The following RIMBP2 variants were observed in gnomAD, a reference collection of about 807,000 sequenced individuals.
The protein encoded by RIMBP2 is RIMS-binding protein 2.
RIMBP2 carries 48 observed loss-of-function variants against 118.6 expected under a neutral mutation model. The ratio of observed to expected loss-of-function variants is 0.40; its 90% CI spans 0.32 to 0.51. RIMBP2 has a LOEUF of 0.51. Ranked by LOEUF, RIMBP2 falls within the 20% of genes least tolerant of loss-of-function variation. The pLI, the probability that RIMBP2 is intolerant of heterozygous loss-of-function variation, is 0.41. For missense variants in RIMBP2, 1,551 were observed against 1,768.3 expected (o/e 0.88, Z 2.20); for synonymous variants, 762 against 742.9 (o/e 1.03, Z -0.42).
intron 1 of RIMBP2, chr12:130,660,462 A>C (rs900780082): frequency 6.6e-6 from 1 of 151,378 alleles, no homozygotes; most frequent in African/African-American, 2.4e-5. Context: ...TCTGGTGGGA[A>C]CCGTATGAGG....
Position 130,437,147 on chromosome 12 carries a change from C to A in RIMBP2, c.1801G>T (p.Glu601Ter). The change falls in exon 13 of 23, where the codon GAG becomes TAG. Residue 601 changes from glutamate (E) to a stop codon, truncating the protein, a stop_gained. Transcript: ENST00000690449. LOFTEE classifies it high-confidence loss of function. ...VDSAVAAVPP[E>*]LLVPPTPHPR... is the part of the protein sequence containing the mutation. ...TGGGGGGTAGGAGGCACCAGGAGCT[C>A]GGGGGGAACGGCAGCAACTGCAGAG... 6.3e-7 allele frequency: 1 copy of A among 1,583,930 alleles called. No homozygotes were observed. The highest frequency in any genetic ancestry group is 2.3e-5 in the East Asian group (1 of 43,720).
Position 130,506,704 on chromosome 12 carries a change from C to A in RIMBP2, c.-60G>T, listed in dbSNP as rs139789109. The stretch of plus-strand genomic sequence containing the variant: ...GCTTGGAGCTGGTGTTTCTCCTTCA[C>A]GGCCAAATCGCGCTCTCTGGTCACG... On this transcript the variant is annotated 5_prime_UTR_variant, in exon 4 of 23. Transcript: ENST00000690449. 30 of 985,728 alleles carry A rather than the reference C, an allele frequency of 3.0e-5. No individual in the cohort carries two copies. In the East Asian group the frequency reaches 3.3e-3, roughly 108 times the overall value. The allele number at this position is 985,728 out of a possible 1,614,324, so 61.1% of individuals were successfully genotyped here.
At chr12:130,706,896 G>A (rs1337583403) in intron 1 of RIMBP2, among the ~76,000 whole-genome samples, 3 of 152,180 alleles carry the variant, frequency 2.0e-5, no homozygotes, top group Non-Finnish European at 4.4e-5. Flanking sequence ...ATGGAGAATG[G>A]GCATTTCCCA....
At chr12:130,404,033 A>C (rs2074910199) in intron 21 of RIMBP2, among the ~76,000 whole-genome samples, 2 of 152,220 alleles carry the variant, frequency 1.3e-5, no homozygotes, top group African/African-American at 4.8e-5. Context: ...AGATTTCCTT[A>C]TCTCTGTTAT....
At chr12:130,585,403 T>C (rs2140253652) in intron 2 of RIMBP2, among the ~76,000 whole-genome samples, 1 of 152,266 alleles carries the variant, frequency 6.6e-6, no homozygotes, top group Non-Finnish European at 1.5e-5. Context: ...ACATTTTGTT[T>C]GGTCTACTCA....
chr12:130,608,086 C>T (rs1027174845), intron 2 of RIMBP2, among the ~76,000 whole-genome samples: 3 of 152,308 alleles, frequency 2.0e-5, no homozygotes, highest in East Asian at 1.9e-4. Context: ...CCTAGGACAG[C>T]GCTTCCAGTC....
chr12:130,497,268 A>C (rs1448820109), intron 4 of RIMBP2, among the ~76,000 whole-genome samples: 1 of 152,102 alleles, frequency 6.6e-6, no homozygotes, highest in Non-Finnish European at 1.5e-5. Flanking sequence ...GGGGAGGCTG[A>C]TTGAATCTAC....
chr12:130,403,033 T>TA (rs1459885061), intron 21 of RIMBP2, among the ~76,000 whole-genome samples: 1 of 152,176 alleles, frequency 6.6e-6, no homozygotes, highest in Non-Finnish European at 1.5e-5. Flanking sequence ...GGTCCCTGCT[T>TA]ACGCTTGTTT....
chr12:130,618,680 G>A (rs777269395), intron 2 of RIMBP2, among the ~76,000 whole-genome samples: 3 of 152,160 alleles, frequency 2.0e-5, no homozygotes, highest in Non-Finnish European at 4.4e-5. Context: ...AAGTGATTCA[G>A]GCAAAATGCC....
intron 2 of RIMBP2, among the ~76,000 whole-genome samples, chr12:130,590,497 C>T (rs1002934087): frequency 6.6e-6 from 1 of 152,202 alleles, no homozygotes; most frequent in African/African-American, 2.4e-5. Flanking sequence ...CTTCAATCCA[C>T]CCAAGGGCTC....
intron 2 of RIMBP2, among the ~76,000 whole-genome samples, chr12:130,613,813 C>CAAAAAA (rs376443531): frequency 9.5e-6 from 1 of 105,068 alleles, no homozygotes; most frequent in Non-Finnish European, 1.9e-5. Context: ...GACTCTGTCT[C>CAAAAAA]AAAAAAAAAA....
Position 130,523,314 on chromosome 12 carries a change from G to C in RIMBP2, c.-216-5397C>G, listed in dbSNP as rs1292421317. On this transcript the variant is annotated intron_variant, in intron 2 of 22. Transcript: ENST00000690449. The surrounding 1 kb of genome is among the most constrained non-coding windows in gnomAD (Gnocchi z 4.4). ...CAAGTCAAGAAGCGGCTCGCACCAG[G>C]AACCGAATCAGCCAGCACCTTGGTC... Among the ~76,000 whole-genome samples, 3 of 152,168 alleles carry C rather than the reference G, an allele frequency of 2.0e-5. No homozygotes were observed. The highest frequency in any genetic ancestry group is 4.4e-5 in the Non-Finnish European group (3 of 68,024).
At chr12:130,431,000 T>G (rs1165150822) in intron 14 of RIMBP2, among the ~76,000 whole-genome samples, 1 of 152,124 alleles carries the variant, frequency 6.6e-6, no homozygotes, top group Non-Finnish European at 1.5e-5. Flanking sequence ...ACATAGACAA[T>G]CTTTGTCAAT....
intron 1 of RIMBP2, among the ~76,000 whole-genome samples, chr12:130,679,110 C>A (rs540640352): frequency 1.5e-4 from 23 of 152,218 alleles, no homozygotes; most frequent in African/African-American, 5.5e-4. Flanking sequence ...CATTTCCCAA[C>A]AACAACCAAA....
chr12:130,582,005 C>G (rs10848154), intron 2 of RIMBP2, among the ~76,000 whole-genome samples: 126,513 of 152,022 alleles, frequency 0.83, 52,669 homozygotes, highest in South Asian at 0.88. Flanking sequence ...ACCTGCTGCT[C>G]CCTCTGCCTG....
intron 22 of RIMBP2, chr12:130,398,827 C>CAGTT (rs554394135): frequency 2.0e-3 from 382 of 187,240 alleles, no homozygotes; most frequent in Middle Eastern, 4.1e-3. Context: ...TGTAAACACA[C>CAGTT]AGTTAGCTTG....
At chr12:130,631,024 GAGA>G (rs996354047) in intron 1 of RIMBP2, among the ~76,000 whole-genome samples, 1 of 152,168 alleles carries the variant, frequency 6.6e-6, no homozygotes, top group African/African-American at 2.4e-5. Context: ...AACAGGGATA[GAGA>G]AGAATTCCAA....
intron 1 of RIMBP2, among the ~76,000 whole-genome samples, chr12:130,685,171 G>T (rs1479385033): frequency 1.3e-5 from 2 of 152,022 alleles, no homozygotes; most frequent in Non-Finnish European, 1.5e-5. Flanking sequence ...TCTCTCTCTA[G>T]CCCCACTCTG....
chr12:130,653,761 T>G (rs1218890961), intron 1 of RIMBP2, among the ~76,000 whole-genome samples: 1 of 152,228 alleles, frequency 6.6e-6, no homozygotes, highest in Non-Finnish European at 1.5e-5. Flanking sequence ...ATGCTTGCAT[T>G]CTGTGCACCC....
Sources: gnomAD v4.1 joint callset for allele counts (sites outside exome capture counted in the v4.1 genomes callset) on GRCh38, gnomAD v4.1.1 for gene constraint, Gnocchi (gnomAD v3.1) non-coding constraint, MANE v1.5 for transcripts, NCBI Gene and HGNC (gene_info 2026-07-23, HGNC 2026-07-21) for gene names.